The following AKAP13 variants were observed in gnomAD, a reference collection of about 807,000 sequenced individuals.
AKAP13 encodes the protein A-kinase anchor protein 13.
A neutral mutation model predicts 264.5 loss-of-function variants in AKAP13; 80 were observed. The ratio of observed to expected loss-of-function variants is 0.30; its 90% CI spans 0.25 to 0.36. The LOEUF (loss-of-function observed/expected upper bound fraction) is 0.36, where lower values mean the gene tolerates loss of function less well. Among genes scored for constraint, AKAP13 ranks in the 10% least tolerant of loss-of-function variants. The probability of loss-of-function intolerance (pLI) is 1.00; values close to 1 mark genes in which losing one functional copy is unlikely to be tolerated. For synonymous variants in AKAP13, 1,380 were observed against 1,250.2 expected, an observed-to-expected ratio of 1.10 and a Z score of -2.19; for missense variants, 3,712 against 3,435.2, an observed-to-expected ratio of 1.08 and a Z score of -2.01.
chr15:85,701,079 T>C (rs2151665110), intron 17 of AKAP13: 1 of 152,370 alleles, frequency 6.6e-6, no homozygotes, highest in African/African-American at 2.4e-5. Context: ...ATATTAATAT[T>C]TCATATAAGA....
intron 2 of AKAP13, among the ~76,000 whole-genome samples, chr15:85,512,987 G>T (rs1010176306): frequency 1.3e-5 from 2 of 152,074 alleles, no homozygotes; most frequent in Non-Finnish European, 2.9e-5. Context: ...CTCCCGAGTA[G>T]CTGGGACTAC....
At chr15:85,590,492 TTA>T (rs1435097065) in intron 8 of AKAP13, among the ~76,000 whole-genome samples, 1 of 152,194 alleles carries the variant, frequency 6.6e-6, no homozygotes, top group Admixed American at 6.5e-5. Flanking sequence ...AATCCTTACT[TTA>T]AAGGTCCAGT....
At position 85,640,404 on chromosome 15, in the gene AKAP13, AC is replaced by A. The variant is rs201283544; in HGVS notation, c.4237+958del. Among the ~76,000 whole-genome samples the A allele has an allele frequency of 2.0e-5, 3 of 152,260 alleles. No homozygotes were observed. The East Asian group carries it at 5.8e-4, about 29-fold the overall frequency. ...TTTTAGAAATAGTTTACATGTAGATACCCTCCAGTAGTATTAAATTTAAAAA... is the reference window on the plus strand; with the variant it reads ...TTTTAGAAATAGTTTACATGTAGATACCTCCAGTAGTATTAAATTTAAAAA... On this transcript the variant is annotated intron_variant, in intron 9 of 36. Coordinates refer to ENST00000394518, the MANE Select transcript of AKAP13 (RefSeq NM_007200.5).
rs1567225441 is a variant in AKAP13 at position 85,741,314 on chromosome 15, T to TGCAGCAGGG, written c.7886_7894dup (p.Gly2629_Gln2631dup). On this transcript the variant is annotated inframe_insertion, in exon 35 of 37. Coordinates refer to ENST00000394518, the MANE Select transcript of AKAP13 (RefSeq NM_007200.5). ...CTCCTGGCCCAGCGCGAGGAGGAGG[T>TGCAGCAGGG]GCAGCAGGGGCAGCAGGACCTGGAA... 1 of 1,612,042 alleles carries TGCAGCAGGG rather than the reference T, an allele frequency of 6.2e-7. No homozygotes were observed.
At position 85,744,707 on chromosome 15, in the gene AKAP13, T is replaced by C; in HGVS notation, c.*30T>C. The C allele has an allele frequency of 6.3e-7, 1 of 1,575,576 alleles. No individual in the cohort carries two copies. The highest frequency in any genetic ancestry group is 8.6e-7 in the Non-Finnish European group (1 of 1,162,456). ...CTTCCTCTCTGCTGAGGCAGCTGCC[T>C]CCTGATCCTGGCCAGCCCACCTCTC... On this transcript the variant is annotated 3_prime_UTR_variant, in exon 37 of 37. Transcript: ENST00000394518.
intron 5 of AKAP13, among the ~76,000 whole-genome samples, chr15:85,566,928 G>A (rs1038378342): frequency 6.6e-6 from 1 of 151,502 alleles, no homozygotes; most frequent in Non-Finnish European, 1.5e-5. Flanking sequence ...GTGCCTGACC[G>A]GAAATGACTG....
rs1023127011 is a variant in AKAP13, at chr15:85,699,180, A to C, written c.5464+5729A>C. On this transcript the variant is annotated intron_variant, in intron 17 of 36. Transcript: ENST00000394518. ...AAAAATATGCCAGGGATGGTGGCTC[A>C]CAGCTGTAATCCCTGCACTTTGGGA... is the stretch of plus-strand genomic sequence containing the variant. 4.6e-5 allele frequency among the ~76,000 whole-genome samples: 7 copies of C among 152,228 alleles called. 1 individual carries two copies. The highest frequency in any genetic ancestry group is 1.9e-4 in the East Asian group (1 of 5,160).
chr15:85,730,400 G>A (rs1053014194), intron 29 of AKAP13, 113 bp from the exon 30 acceptor site: 4 of 1,036,076 alleles, frequency 3.9e-6, no homozygotes, highest in African/African-American at 3.2e-5. Flanking sequence ...GGTGGGGAGG[G>A]TGTCCTGTCT....
chr15:85,564,569 T>G (rs1035990483), intron 5 of AKAP13, among the ~76,000 whole-genome samples: 7 of 152,232 alleles, frequency 4.6e-5, no homozygotes, highest in Admixed American at 1.3e-4. Context: ...AGTGTTCTTT[T>G]AAGTATTTTT....
At chr15:85,383,892 A>G (rs1256164049) in intron 1 of AKAP13, among the ~76,000 whole-genome samples, 2 of 152,246 alleles carry the variant, frequency 1.3e-5, no homozygotes, top group African/African-American at 2.4e-5. Flanking sequence ...GGGTGTTAAC[A>G]GTGTTAGTTC....
At chr15:85,387,517 GTC>G (rs1194499924) in intron 1 of AKAP13, among the ~76,000 whole-genome samples, 3 of 152,040 alleles carry the variant, frequency 2.0e-5, no homozygotes, top group Admixed American at 6.5e-5. Flanking sequence ...TAGAGACAGA[GTC>G]TCTCTATGTT....
intron 18 of AKAP13, 189 bp from the exon 19 acceptor site, chr15:85,710,390 A>T: frequency 1.9e-6 from 1 of 518,210 alleles, no homozygotes; most frequent in South Asian, 2.7e-5. Flanking sequence ...GACAGCATCT[A>T]CGGCATTGGA....
intron 16 of AKAP13, 151 bp from the exon 17 acceptor site, chr15:85,693,125 AC>A (rs1353778980): frequency 1.5e-6 from 2 of 1,329,724 alleles, no homozygotes; most frequent in East Asian, 5.7e-5. Flanking sequence ...ATTTAAAAAA[AC>A]AAAACAAAAC....
At chr15:85,434,765 CTGTT>C (rs1166805830) in intron 1 of AKAP13, among the ~76,000 whole-genome samples, 1 of 151,944 alleles carries the variant, frequency 6.6e-6, no homozygotes, top group Non-Finnish European at 1.5e-5. Context: ...AGGGTCCTGT[CTGTT>C]AGAAGGAAAA....
At chr15:85,475,235 A>G (rs1235234249) in intron 1 of AKAP13, among the ~76,000 whole-genome samples, 1 of 152,154 alleles carries the variant, frequency 6.6e-6, no homozygotes, top group Non-Finnish European at 1.5e-5. Flanking sequence ...TTCTAAATTT[A>G]AAGTTTATTC....
intron 1 of AKAP13, among the ~76,000 whole-genome samples, chr15:85,390,460 G>T (rs983289584): frequency 2.0e-5 from 3 of 152,190 alleles, no homozygotes; most frequent in African/African-American, 7.2e-5. Flanking sequence ...GGTGTGGCTG[G>T]AATGGGTGAG....
At chr15:85,709,279 T>G (rs1427323106) in intron 18 of AKAP13, among the ~76,000 whole-genome samples, 2 of 152,182 alleles carry the variant, frequency 1.3e-5, no homozygotes, top group African/African-American at 4.8e-5. Context: ...TATTTACCCA[T>G]CTTTATTTAT....
chr15:85,526,080 T>C (rs1427773468), intron 3 of AKAP13, among the ~76,000 whole-genome samples: 1 of 152,116 alleles, frequency 6.6e-6, no homozygotes, highest in South Asian at 2.1e-4. Flanking sequence ...CTCTGTTATA[T>C]TTTCCTTTTC....
chr15:85,498,620 A>G (rs997358159), intron 2 of AKAP13, among the ~76,000 whole-genome samples: 2 of 138,426 alleles, frequency 1.4e-5, no homozygotes, highest in African/African-American at 5.4e-5. Context: ...TCACATCTAC[A>G]TTTAGAGGTT....
Sources: gnomAD v4.1 joint callset for allele counts (sites outside exome capture counted in the v4.1 genomes callset) on GRCh38, gnomAD v4.1.1 for gene constraint, MANE v1.5 for transcripts, NCBI Gene and HGNC (gene_info 2026-07-23, HGNC 2026-07-21) for gene names.